SNRPD3: variants seen among roughly 807,000 people sequenced by gnomAD.
The protein encoded by SNRPD3 is small nuclear ribonucleoprotein D3 polypeptide.
For missense variants in SNRPD3, 73 were observed against 167.5 expected, an observed-to-expected ratio of 0.44 and a Z score of 3.11; for synonymous variants, 66 against 58.4, an observed-to-expected ratio of 1.13 and a Z score of -0.59.
intron 2 of SNRPD3, among the ~76,000 whole-genome samples, chr22:24,560,587 C>T (rs1189150606): frequency 4.0e-5 from 6 of 148,418 alleles, no homozygotes; most frequent in Admixed American, 4.0e-4. Context: ...TGGGACTATG[C>T]CCAGCTAGTT....
At chr22:24,559,272 C>G (rs1271331559) in intron 2 of SNRPD3, among the ~76,000 whole-genome samples, 1 of 152,136 alleles carries the variant, frequency 6.6e-6, no homozygotes, top group Non-Finnish European at 1.5e-5. Flanking sequence ...AAGTAGACCT[C>G]TGGTGACTCA....
intron 2 of SNRPD3, among the ~76,000 whole-genome samples, chr22:24,563,271 T>A (rs2045164524): frequency 6.7e-6 from 1 of 148,390 alleles, no homozygotes. Context: ...TATATGTATG[T>A]ATATATATGT....
chr22:24,558,478 G>A (rs2045101750), intron 2 of SNRPD3, among the ~76,000 whole-genome samples: 1 of 152,166 alleles, frequency 6.6e-6, no homozygotes, highest in Non-Finnish European at 1.5e-5. Flanking sequence ...AGAGATGTGG[G>A]TTTGAATCCT....
In SNRPD3 at chr22:24,556,046, A is replaced by C; in HGVS notation, c.-44A>C. The stretch of plus-strand genomic sequence containing the variant: ...CCGTAGCATCTTTCGCAGCGGACCG[A>C]AGAGAAGAAAAGTAGGCCAGAGCCG... On this transcript the variant is annotated 5_prime_UTR_variant, in exon 1 of 4. Transcript: ENST00000215829. The C allele has an allele frequency of 1.6e-6, 1 of 615,712 alleles. No homozygotes were observed. Among genetic ancestry groups the C allele is most frequent in the Non-Finnish European group, 2.8e-6 (1 of 351,390 alleles). 38.1% of individuals were successfully genotyped at this position (615,712 alleles called of 1,614,324 possible). A position where few individuals can be genotyped will look rare whatever the true frequency, so the allele number is the denominator to read the frequency against.
chr22:24,568,180 G>C lies in SNRPD3; in HGVS notation c.319+4G>C, dbSNP rs759281024. ...GCTGCTATTCTCAAGGCCCAAGGTA[G>C]GTGCTTTTCATGCACAGGTTTTAAA... On this transcript the variant is annotated splice_donor_region_variant and intron_variant, in intron 3 of 3. Transcript: ENST00000215829. 17 of 1,604,826 alleles carry C rather than the reference G, an allele frequency of 1.1e-5. No homozygotes were observed. Among genetic ancestry groups the C allele is most frequent in the Non-Finnish European group, 1.4e-5 (16 of 1,175,944 alleles).
upstream of SNRPD3, chr22:24,555,716 C>G: frequency 6.4e-7 from 1 of 1,550,702 alleles, no homozygotes. Context: ...CCCGCGTCTC[C>G]GCCTTGCCGT....
upstream of SNRPD3, chr22:24,555,730 G>T: frequency 6.4e-7 from 1 of 1,550,662 alleles, no homozygotes; most frequent in South Asian, 1.2e-5. Context: ...TTGCCGTCCA[G>T]CCTGTCCTTG....
intron 2 of SNRPD3, among the ~76,000 whole-genome samples, chr22:24,560,806 CA>C (rs58402072): frequency 0.97 from 140,772 of 145,008 alleles, 68,418 homozygotes; most frequent in Non-Finnish European, 1. Flanking sequence ...CAGCTCACTG[CA>C]AACCTCCGTC....
rs2045272163 is a variant in SNRPD3 at position 24,574,350 on chromosome 22, AG to A, written c.*2379del. ...TAAACAGTTTTATATCCTGCATCTT[AG>A]GGGGGAAAATCAGTTGACGCAGATT... On this transcript the variant is annotated 3_prime_UTR_variant, in exon 4 of 4. Transcript: ENST00000215829. Among the ~76,000 whole-genome samples, 1 of 152,144 alleles carries A rather than the reference AG, an allele frequency of 6.6e-6. No individual in the cohort carries two copies. The highest frequency in any genetic ancestry group is 1.5e-5 in the Non-Finnish European group (1 of 68,008).
chr22:24,560,925 G>T (rs1346598234), intron 2 of SNRPD3, among the ~76,000 whole-genome samples: 2 of 150,686 alleles, frequency 1.3e-5, no homozygotes, highest in Admixed American at 1.3e-4. Flanking sequence ...TTTTAATAGA[G>T]ATGGAGGCTC....
At chr22:24,560,493 G>A (rs1163807075) in intron 2 of SNRPD3, among the ~76,000 whole-genome samples, 3 of 127,998 alleles carry the variant, frequency 2.3e-5, no homozygotes, top group South Asian at 2.5e-4. Flanking sequence ...CGCCCAGGCT[G>A]GAGTGCAGTG....
chr22:24,556,662 G>A (rs2045072442), intron 1 of SNRPD3, among the ~76,000 whole-genome samples: 1 of 152,186 alleles, frequency 6.6e-6, no homozygotes, highest in African/African-American at 2.4e-5. Flanking sequence ...TATCCATTTT[G>A]TAAATAAATG....
rs995844972 is a variant in SNRPD3 at position 24,569,887 on chromosome 22, C to T, written c.319+1711C>T. On this transcript the variant is annotated intron_variant, in intron 3 of 3. Coordinates refer to ENST00000215829, the MANE Select transcript of SNRPD3 (RefSeq NM_004175.5). The stretch of plus-strand genomic sequence containing the variant: ...GGGTCGCAAGCACAAGAGCTTCTAG[C>T]CCCATGGAGTTTCCTCCCGGCACAT... Among the ~76,000 whole-genome samples the T allele has an allele frequency of 5.3e-5, 8 of 152,360 alleles. No homozygotes were observed. In the South Asian group the frequency reaches 1.7e-3, roughly 32 times the overall value.
intron 2 of SNRPD3, among the ~76,000 whole-genome samples, chr22:24,563,435 C>G (rs1486253287): frequency 6.6e-6 from 1 of 151,852 alleles, no homozygotes; most frequent in Non-Finnish European, 1.5e-5. Flanking sequence ...AGCTTTTGTT[C>G]TCCTTCTCAT....
In SNRPD3 at chr22:24,572,715, C is replaced by T. The variant is rs2045260269; in HGVS notation, c.*738C>T. ...GGTGGACATTGCAGTGAGCAGAGATCATGCCACTGTACTCCAGCTTGGGTG... is the reference window on the plus strand; with the variant it reads ...GGTGGACATTGCAGTGAGCAGAGATTATGCCACTGTACTCCAGCTTGGGTG... On this transcript the variant is annotated 3_prime_UTR_variant, in exon 4 of 4. Coordinates refer to ENST00000215829, the MANE Select transcript of SNRPD3 (RefSeq NM_004175.5). The T allele has an allele frequency of 6.5e-6, 1 of 154,196 alleles. No homozygotes were observed. The highest frequency in any genetic ancestry group is 1.4e-5 in the Non-Finnish European group (1 of 69,688). The allele number at this position is 154,196 out of a possible 1,614,324, so 9.6% of individuals were successfully genotyped here.
rs2045257971 is a variant in SNRPD3 at position 24,572,452 on chromosome 22, T to C, written c.*475T>C. 1 of 323,292 alleles carries C rather than the reference T, an allele frequency of 3.1e-6. No individual in the cohort carries two copies. The highest frequency in any genetic ancestry group is 5.8e-6 in the Non-Finnish European group (1 of 172,912). 20.0% of individuals were successfully genotyped at this position (323,292 alleles called of 1,614,324 possible). On this transcript the variant is annotated 3_prime_UTR_variant, in exon 4 of 4. Transcript: ENST00000215829. ...AGCTTTAACAACACAGGTGACTCTTTCCCTTGATAAAGTCATAGGTAATTC... is the reference window on the plus strand; with the variant it reads ...AGCTTTAACAACACAGGTGACTCTTCCCCTTGATAAAGTCATAGGTAATTC...
At chr22:24,561,790 C>T (rs1404109023) in intron 2 of SNRPD3, among the ~76,000 whole-genome samples, 1 of 152,152 alleles carries the variant, frequency 6.6e-6, no homozygotes, top group African/African-American at 2.4e-5. Flanking sequence ...ATCACTTGAG[C>T]CCAGGGGTTC....
In SNRPD3 at chr22:24,556,162, C is replaced by A. The variant is rs1406287169; in HGVS notation, c.-19+91C>A. The A allele has an allele frequency of 1.4e-5, 6 of 422,522 alleles. No homozygotes were observed. In the East Asian group the frequency reaches 2.0e-4, roughly 14 times the overall value. The allele number at this position is 422,522 out of a possible 1,614,324, so 26.2% of individuals were successfully genotyped here. Reference sequence around the variant, plus strand: ...TTGCTGCATGGAACTCTGCGGGGCTCGGGGAGGGAAGAAAGCGGGAAGCTT... The same window carrying A: ...TTGCTGCATGGAACTCTGCGGGGCTAGGGGAGGGAAGAAAGCGGGAAGCTT... On this transcript the variant is annotated intron_variant, in intron 1 of 3. Coordinates refer to ENST00000215829, the MANE Select transcript of SNRPD3 (RefSeq NM_004175.5).
intron 2 of SNRPD3, among the ~76,000 whole-genome samples, chr22:24,564,205 C>G (rs2045174643): frequency 6.6e-6 from 1 of 152,180 alleles, no homozygotes; most frequent in African/African-American, 2.4e-5. Context: ...GAATGCATTT[C>G]TGGTGTATTG....
Sources: allele counts gnomAD v4.1 joint callset (sites outside exome capture counted in the v4.1 genomes callset), GRCh38; gene constraint gnomAD v4.1.1; transcripts MANE v1.5; gene names NCBI Gene and HGNC (gene_info 2026-07-23, HGNC 2026-07-21).